The following DSCAML1 variants were observed in gnomAD, a reference collection of about 807,000 sequenced individuals.
DSCAML1 encodes cell adhesion molecule DSCAML1.
DSCAML1 carries 38 observed loss-of-function variants against 200.5 expected under a neutral mutation model. The observed-to-expected ratio is 0.19, with a 90% CI of 0.15 to 0.25. The LOEUF (loss-of-function observed/expected upper bound fraction) is 0.25. Ranked by LOEUF, DSCAML1 falls within the 10% of genes least tolerant of loss-of-function variation. The pLI is 1.00. For missense variants in DSCAML1, 2,223 were observed against 2,858.8 expected (o/e 0.78, Z 5.07); for synonymous variants, 1,215 against 1,165.0 (o/e 1.04, Z -0.87).
At chr11:117,721,062 C>G (rs1047759451) in intron 3 of DSCAML1, among the ~76,000 whole-genome samples, 1 of 152,188 alleles carries the variant, frequency 6.6e-6, no homozygotes, top group Non-Finnish European at 1.5e-5. Flanking sequence ...AACCAAGATG[C>G]GGAGAGGTGA....
At chr11:117,789,432 T>C (rs1339005178) in intron 1 of DSCAML1, among the ~76,000 whole-genome samples, 1 of 152,108 alleles carries the variant, frequency 6.6e-6, no homozygotes, top group African/African-American at 2.4e-5. Flanking sequence ...ACTTAAGAGA[T>C]TATTTTTTCC....
At chr11:117,458,987 C>G in intron 18 of DSCAML1, 78 bp from the exon 19 acceptor site, 1 of 1,537,284 alleles carries the variant, frequency 6.5e-7, no homozygotes, top group Non-Finnish European at 8.8e-7. Flanking sequence ...TGCCTGGGCT[C>G]TGCCCACACC....
chr11:117,656,786 C>T (rs770134479), intron 3 of DSCAML1, among the ~76,000 whole-genome samples: 1 of 152,180 alleles, frequency 6.6e-6, no homozygotes, highest in African/African-American at 2.4e-5. Context: ...CAACAGTGTC[C>T]AGTCCATGCC....
At chr11:117,716,235 G>A (rs1159705941) in intron 3 of DSCAML1, among the ~76,000 whole-genome samples, 1 of 152,174 alleles carries the variant, frequency 6.6e-6, no homozygotes, top group African/African-American at 2.4e-5. Context: ...TAAAGTGAAA[G>A]GATCTGTCCC....
chr11:117,673,627 C>A (rs2053154274), intron 3 of DSCAML1, among the ~76,000 whole-genome samples: 1 of 152,168 alleles, frequency 6.6e-6, no homozygotes, highest in African/African-American at 2.4e-5. Context: ...ATGCCCAAAC[C>A]TCCTGCTCCC....
At chr11:117,810,083 A>G in intron 1 of DSCAML1, among the ~76,000 whole-genome samples, 1 of 152,226 alleles carries the variant, frequency 6.6e-6, no homozygotes, top group East Asian at 1.9e-4. Flanking sequence ...ACACATTCGC[A>G]CACACATACA....
At chr11:117,812,974 C>T (rs534218148) in intron 1 of DSCAML1, among the ~76,000 whole-genome samples, 1 of 152,142 alleles carries the variant, frequency 6.6e-6, no homozygotes, top group African/African-American at 2.4e-5. Flanking sequence ...GAGAAGGCCA[C>T]CACAGTCATT....
chr11:117,769,423 TATATATATTTTTATATA>T (rs2054983935), intron 3 of DSCAML1, among the ~76,000 whole-genome samples: 2 of 45,578 alleles, frequency 4.4e-5, no homozygotes, highest in Non-Finnish European at 7.5e-5. Context: ...TTATATATAT[TATATATATTTTTATATA>T]ATATATATTT....
At chr11:117,804,822 C>T (rs867393822) in intron 1 of DSCAML1, among the ~76,000 whole-genome samples, 5 of 151,998 alleles carry the variant, frequency 3.3e-5, no homozygotes, top group African/African-American at 9.7e-5. Flanking sequence ...CCCAGCTACT[C>T]GGGAGGTTGA....
chr11:117,520,040 T>C (rs774304351), intron 6 of DSCAML1, among the ~76,000 whole-genome samples: 1 of 152,222 alleles, frequency 6.6e-6, no homozygotes. Context: ...AATTGTGTTG[T>C]GTTTGTTTTG....
At chr11:117,554,445 A>G (rs1028985451) in intron 3 of DSCAML1, among the ~76,000 whole-genome samples, 1 of 152,078 alleles carries the variant, frequency 6.6e-6, no homozygotes, top group African/African-American at 2.4e-5. Context: ...CGGTGGTGCG[A>G]TCTCGGCTCA....
chr11:117,435,856 A>T, intron 26 of DSCAML1, 57 bp from the exon 27 acceptor site: 1 of 1,550,614 alleles, frequency 6.4e-7, no homozygotes, highest in Non-Finnish European at 8.8e-7. Flanking sequence ...TGCTGTGCAG[A>T]ACATCTCATG....
At chr11:117,500,741 G>T (rs2049378963) in intron 11 of DSCAML1, among the ~76,000 whole-genome samples, 1 of 152,180 alleles carries the variant, frequency 6.6e-6, no homozygotes, top group African/African-American at 2.4e-5. Flanking sequence ...GGGATCAATG[G>T]TATAGACACT....
chr11:117,710,629 T>C (rs893052202), intron 3 of DSCAML1, among the ~76,000 whole-genome samples: 1 of 152,168 alleles, frequency 6.6e-6, no homozygotes, highest in African/African-American at 2.4e-5. Context: ...AGTTTCCCCA[T>C]CTGTAAAATT....
chr11:117,789,690 C>T (rs1159795535), intron 1 of DSCAML1, among the ~76,000 whole-genome samples: 1 of 152,142 alleles, frequency 6.6e-6, no homozygotes, highest in East Asian at 1.9e-4. Flanking sequence ...ATGGGCAGGA[C>T]ATCTGCCTAT....
chr11:117,573,797 C>T (rs2050886707), intron 3 of DSCAML1, among the ~76,000 whole-genome samples: 1 of 152,234 alleles, frequency 6.6e-6, no homozygotes, highest in Non-Finnish European at 1.5e-5. Flanking sequence ...GATGCAGGCA[C>T]CTTTTCCTGG....
rs2055219346 is a variant in DSCAML1, at chr11:117,780,258, AAGAAAG to A, written c.364+229_364+234del. Among the ~76,000 whole-genome samples the A allele has an allele frequency of 1.6e-4, 15 of 94,368 alleles. No individual in the cohort carries two copies. In the South Asian group the frequency reaches 2.6e-3, roughly 16 times the overall value. The allele number at this position is 94,368 out of a possible 152,430, so 61.9% of individuals were successfully genotyped here. On this transcript the variant is annotated intron_variant, in intron 2 of 32. Coordinates refer to ENST00000651296, the MANE Select transcript of DSCAML1 (RefSeq NM_020693.4). This position sits in a 1 kb window ranked among gnomAD's most constrained non-coding sequence, Gnocchi z 4.8. ...AAAGAAAGAAAGAAAGAAAGAAAGA[AAGAAAG>A]AAAGAAAGAAAGAAAGAAAGAAAGA...
chr11:117,528,005 G>C (rs2050008142), intron 4 of DSCAML1, among the ~76,000 whole-genome samples: 1 of 152,184 alleles, frequency 6.6e-6, no homozygotes, highest in Admixed American at 6.5e-5. Flanking sequence ...TGCCCTGGTG[G>C]AGGTGATAAC....
upstream of DSCAML1, chr11:117,797,312 G>C (rs1426801832): frequency 7.7e-7 from 1 of 1,306,712 alleles, no homozygotes; most frequent in African/African-American, 1.6e-5. Context: ...GGCACCCCGG[G>C]TGGTGAGCGC....
Sources: gnomAD v4.1 joint callset for allele counts (sites outside exome capture counted in the v4.1 genomes callset) on GRCh38, gnomAD v4.1.1 for gene constraint, Gnocchi (gnomAD v3.1) non-coding constraint, MANE v1.5 for transcripts, NCBI Gene and HGNC (gene_info 2026-07-23, HGNC 2026-07-21) for gene names.